WDR37: variants seen among roughly 807,000 people sequenced by gnomAD.
WDR37 encodes WD repeat-containing protein 37.
Under a neutral mutation model 62.9 loss-of-function variants are expected in WDR37, and 19 were observed. The ratio of observed to expected loss-of-function variants is 0.30; its 90% confidence interval spans 0.21 to 0.44. The LOEUF is 0.44. Ranked by LOEUF, WDR37 falls within the 20% of genes least tolerant of loss-of-function variation. WDR37 has a pLI of 1.00. For synonymous variants in WDR37, 250 were observed against 260.9 expected, an observed-to-expected ratio of 0.96 and a Z score of 0.40; for missense variants, 474 against 657.6, an observed-to-expected ratio of 0.72 and a Z score of 3.05.
chr10:1,065,979 G>A (rs1424814467), intron 1 of WDR37, among the ~76,000 whole-genome samples: 1 of 151,806 alleles, frequency 6.6e-6, no homozygotes, highest in African/African-American at 2.4e-5. Context: ...CAGCAAGAAT[G>A]TACACGTTTA....
At chr10:1,122,570 C>T (rs1365564542) in intron 11 of WDR37, among the ~76,000 whole-genome samples, 2 of 152,226 alleles carry the variant, frequency 1.3e-5, no homozygotes, top group African/African-American at 4.8e-5. Flanking sequence ...AGCCCCCTGG[C>T]CGTTGCTGAA....
intron 1 of WDR37, among the ~76,000 whole-genome samples, chr10:1,065,614 A>C (rs1319880121): frequency 6.6e-6 from 1 of 152,148 alleles, no homozygotes; most frequent in Non-Finnish European, 1.5e-5. Context: ...TAGGAAAAAA[A>C]CATGATAGAA....
In WDR37 at chr10:1,103,721, C is replaced by T. The variant is rs12571177; in HGVS notation, c.846C>T (p.Gly282=). The T allele has an allele frequency of 3.7e-6, 6 of 1,614,256 alleles. No individual in the cohort carries two copies. The highest frequency in any genetic ancestry group is 3.3e-5 in the Admixed American group (2 of 60,036). ...TGACATCCCTCAAGAGCCACCAGGG[C>T]GTGGTCATCGCCTCCGACTGGCTGG... is the stretch of plus-strand genomic sequence containing the variant. ...VPLTSLKSHQ[G]VVIASDWLVG... The change falls in exon 10 of 14, where the codon GGC becomes GGT. Residue 282 remains glycine, a synonymous_variant. Coordinates refer to ENST00000263150, the MANE Select transcript of WDR37 (RefSeq NM_014023.4). This position sits in a 1 kb window ranked among gnomAD's most constrained non-coding sequence, Gnocchi z 6.3.
intron 7 of WDR37, among the ~76,000 whole-genome samples, chr10:1,089,687 G>A (rs570741208): frequency 6.7e-6 from 1 of 149,604 alleles, no homozygotes; most frequent in African/African-American, 2.5e-5. Flanking sequence ...GTGCTCACCC[G>A]CAGTTCGGCC....
rs145677528 is a variant in WDR37, at chr10:1,129,242, A to G, written c.1383A>G (p.Ala461=). ...QGHRRMVCCS[A]WSEDHPVCNL... ...ACAGGAGAATGGTATGCTGCTCGGC[A>G]TGGAGTGAAGACCACCCCGTGTGCA... The change falls in exon 14 of 14, where the codon GCA becomes GCG. Residue 461 remains alanine (A), a synonymous_variant. Coordinates refer to ENST00000263150, the MANE Select transcript of WDR37 (RefSeq NM_014023.4). The G allele has an allele frequency of 4.1e-4, 662 of 1,614,170 alleles. 6 individuals are homozygous for G. The Middle Eastern group carries it at 9.6e-3, about 23-fold the overall frequency.
chr10:1,089,264 A>G (rs1377551732), intron 7 of WDR37, among the ~76,000 whole-genome samples: 4 of 151,938 alleles, frequency 2.6e-5, no homozygotes, highest in African/African-American at 9.7e-5. Flanking sequence ...TGAGGGATCC[A>G]GCCTCAGTTC....
rs903812156 is a variant in WDR37, at chr10:1,121,540, C to T, written c.1104-2678C>T. Among the ~76,000 whole-genome samples, 16 of 152,290 alleles carry T rather than the reference C, an allele frequency of 1.1e-4. No individual in the cohort carries two copies. Among genetic ancestry groups the T allele is most frequent in the African/African-American group, 2.9e-4 (12 of 41,562 alleles). ...CTCTCTCCTCTGCCCATGCTGCTCT[C>T]GTAACCCGTGCTGCTCTCGTTACCC... On this transcript the variant is annotated intron_variant, in intron 11 of 13. Transcript: ENST00000263150. This position sits in a 1 kb window ranked among gnomAD's most constrained non-coding sequence, Gnocchi z 4.5.
At chr10:1,070,149 A>G (rs573691457) in intron 1 of WDR37, among the ~76,000 whole-genome samples, 1 of 151,080 alleles carries the variant, frequency 6.6e-6, no homozygotes, top group East Asian at 2.0e-4. Flanking sequence ...TGGAGGTTGC[A>G]GTGAGCTGAG....
At chr10:1,090,883 A>G (rs1020745016) in intron 7 of WDR37, among the ~76,000 whole-genome samples, 38 of 152,280 alleles carry the variant, frequency 2.5e-4, no homozygotes, top group African/African-American at 7.2e-4. Flanking sequence ...TCAGGTGCCC[A>G]TGGATTCTGC....
At position 1,056,750 on chromosome 10, in the gene WDR37, G is replaced by A. The variant is rs1833185585; in HGVS notation, c.-259G>A. 1 of 152,386 alleles carries A rather than the reference G, an allele frequency of 6.6e-6. No homozygotes were observed. The highest frequency in any genetic ancestry group is 2.4e-5 in the African/African-American group (1 of 41,466). The allele number at this position is 152,386 out of a possible 1,614,324, so 9.4% of individuals were successfully genotyped here. ...GCCGGGTGTGGGGCGGAGGTGTGGG[G>A]CGGCTTCCGGAGAACCCAGCGGCGC... is the stretch of plus-strand genomic sequence containing the variant. On this transcript the variant is annotated 5_prime_UTR_variant, in exon 1 of 14. Transcript: ENST00000263150.
chr10:1,069,418 A>G (rs919882546), intron 1 of WDR37, among the ~76,000 whole-genome samples: 23 of 102,734 alleles, frequency 2.2e-4, no homozygotes, highest in Non-Finnish European at 2.0e-4. Context: ...GCAGCAGGTG[A>G]ATGGTTAAAC....
At chr10:1,110,019 C>G (rs1471595925) in intron 11 of WDR37, among the ~76,000 whole-genome samples, 1 of 152,188 alleles carries the variant, frequency 6.6e-6, no homozygotes, top group Admixed American at 6.5e-5. Flanking sequence ...TGAACGTGGA[C>G]CAGACCTGCC....
chr10:1,081,582 A>C (rs1834030106), intron 5 of WDR37, among the ~76,000 whole-genome samples: 1 of 152,072 alleles, frequency 6.6e-6, no homozygotes, highest in Non-Finnish European at 1.5e-5. Context: ...AAAATCTGAA[A>C]TTGTTGGTAT....
rs116627382 is a variant in WDR37 at position 1,059,332 on chromosome 10, C to T, written c.-41+2364C>T. On this transcript the variant is annotated intron_variant, in intron 1 of 13. Transcript: ENST00000263150. ...CAGAAGTTGCGGTTAGCCGAGATCA[C>T]GCCACTGCCCTCCAGCCTGGGGAGA... Among the ~76,000 whole-genome samples, 487 of 152,256 alleles carry T rather than the reference C, an allele frequency of 3.2e-3. 4 individuals are homozygous for T. Among genetic ancestry groups the T allele is most frequent in the African/African-American group, 0.011 (456 of 41,552 alleles).
rs145416272 is a variant in WDR37, at chr10:1,066,369, A to G, written c.-40-5747A>G. Among the ~76,000 whole-genome samples, 1,031 of 152,102 alleles carry G rather than the reference A, an allele frequency of 6.8e-3. 23 individuals are homozygous for G. The highest frequency in any genetic ancestry group is 0.047 in the East Asian group (242 of 5,164). On this transcript the variant is annotated intron_variant, in intron 1 of 13. Coordinates refer to ENST00000263150, the MANE Select transcript of WDR37 (RefSeq NM_014023.4). ...CTGACCTTGTGATCCGTCCACCTTG[A>G]CCTCCCAAAGTGCTGGGATTATAGG...
At chr10:1,080,318 C>G in intron 4 of WDR37, 94 bp from the exon 5 acceptor site, 1 of 1,525,190 alleles carries the variant, frequency 6.6e-7, no homozygotes, top group Non-Finnish European at 9.0e-7. Context: ...TTTCTGGGCC[C>G]CCTTTCTTCC....
At chr10:1,095,022 C>T (rs1398626931) in intron 8 of WDR37, among the ~76,000 whole-genome samples, 2 of 145,780 alleles carry the variant, frequency 1.4e-5, no homozygotes, top group Non-Finnish European at 3.0e-5. Flanking sequence ...GACTGGGAAA[C>T]ATGAGGTAAT....
In WDR37 at chr10:1,072,280, T is replaced by A. The variant is rs1294736680; in HGVS notation, c.125T>A (p.Met42Lys). ...EQERTGLPRD[M>K]LEGQDSKLPS... The stretch of plus-strand genomic sequence containing the variant: ...GAGAGGACGGGACTGCCAAGAGACA[T>A]GTTAGAAGGACAAGTAAGCTACGAT... The change falls in exon 2 of 14, where the codon ATG (methionine) becomes AAG (lysine). Residue 42 changes from methionine (M) to lysine (K), a missense_variant. Physicochemically the swap from Met to Lys is moderately conservative, Grantham distance 95. Coordinates refer to ENST00000263150, the MANE Select transcript of WDR37 (RefSeq NM_014023.4). 6.2e-7 allele frequency: 1 copy of A among 1,613,792 alleles called. No homozygotes were observed. Among genetic ancestry groups the A allele is most frequent in the Admixed American group, 1.7e-5 (1 of 59,936 alleles).
intron 11 of WDR37, among the ~76,000 whole-genome samples, chr10:1,123,124 T>C (rs1295500651): frequency 6.6e-6 from 1 of 152,224 alleles, no homozygotes; most frequent in African/African-American, 2.4e-5. Flanking sequence ...AGCCTCTCCC[T>C]GAGGGCCACA....
Sources: gnomAD v4.1 joint callset for allele counts (sites outside exome capture counted in the v4.1 genomes callset) on GRCh38, gnomAD v4.1.1 for gene constraint, Gnocchi (gnomAD v3.1) non-coding constraint, MANE v1.5 for transcripts, NCBI Gene and HGNC (gene_info 2026-07-23, HGNC 2026-07-21) for gene names.